Variants in ATP8A1 observed in about 807,000 individuals in gnomAD.
ATP8A1 encodes ATPase phospholipid transporting 8A1.
A neutral mutation model predicts 177.7 loss-of-function variants in ATP8A1; 90 were observed. The ratio of observed to expected loss-of-function variants is 0.51; its 90% CI spans 0.43 to 0.60. The LOEUF is 0.60. Ranked by LOEUF, ATP8A1 falls within the 20% of genes least tolerant of loss-of-function variation. The pLI is 0.00. For synonymous variants in ATP8A1, 493 were observed against 485.9 expected (o/e 1.01, Z -0.19); for missense variants, 1,072 against 1,392.8 (o/e 0.77, Z 3.67).
chr4:42,540,191 C>T (rs1414456049), intron 20 of ATP8A1, among the ~76,000 whole-genome samples: 1 of 152,078 alleles, frequency 6.6e-6, no homozygotes, highest in Admixed American at 6.6e-5. Context: ...AAATGCTCAA[C>T]ATCACTAGCA....
intron 20 of ATP8A1, 88 bp downstream of exon 20, chr4:42,543,829 A>T: frequency 1.1e-6 from 1 of 927,628 alleles, no homozygotes; most frequent in Non-Finnish European, 1.6e-6. Context: ...CATGTTAAAC[A>T]TCTGTGTTAC....
At chr4:42,544,052 G>A in intron 19 of ATP8A1, 66 bp from the exon 20 acceptor site, 13 of 1,274,472 alleles carry the variant, frequency 1.0e-5, no homozygotes, top group Non-Finnish European at 1.5e-5. Context: ...TGTTTGTCAT[G>A]CCTCACATAT....
At chr4:42,524,093 G>A (rs556926561) in intron 21 of ATP8A1, among the ~76,000 whole-genome samples, 2 of 152,250 alleles carry the variant, frequency 1.3e-5, no homozygotes, top group Admixed American at 1.3e-4. Context: ...TGTAGTAACT[G>A]ACTCTCATGT....
intron 20 of ATP8A1, among the ~76,000 whole-genome samples, chr4:42,525,178 T>C (rs1578104897): frequency 6.6e-6 from 1 of 152,180 alleles, no homozygotes; most frequent in African/African-American, 2.4e-5. Flanking sequence ...TAGGTATTCA[T>C]AGGTGCTGCA....
At chr4:42,607,635 T>C (rs1330118555) in intron 5 of ATP8A1, among the ~76,000 whole-genome samples, 2 of 148,146 alleles carry the variant, frequency 1.4e-5, no homozygotes, top group African/African-American at 4.9e-5. Flanking sequence ...TCTACAGGTT[T>C]TTTTTTTTTT....
chr4:42,448,508 C>T (rs574022615), intron 30 of ATP8A1, among the ~76,000 whole-genome samples: 3 of 148,626 alleles, frequency 2.0e-5, no homozygotes, highest in Non-Finnish European at 4.5e-5. Context: ...AGCAATTCTC[C>T]TGCTTCAGCC....
intron 1 of ATP8A1, among the ~76,000 whole-genome samples, chr4:42,643,526 A>G (rs1227813033): frequency 1.3e-5 from 2 of 152,126 alleles, no homozygotes; most frequent in Admixed American, 6.5e-5. Flanking sequence ...AGCCATCAAC[A>G]AATCTGTTGG....
intron 33 of ATP8A1, among the ~76,000 whole-genome samples, chr4:42,430,240 C>T (rs1430899774): frequency 1.3e-5 from 2 of 152,130 alleles, no homozygotes; most frequent in Admixed American, 6.5e-5. Flanking sequence ...TTTGCCTAGG[C>T]CCCCATCATC....
chr4:42,650,100 C>A (rs1740937325), intron 1 of ATP8A1, among the ~76,000 whole-genome samples: 1 of 152,174 alleles, frequency 6.6e-6, no homozygotes, highest in African/African-American at 2.4e-5. Flanking sequence ...TCAAAAGTGT[C>A]CTCTGACCTT....
chr4:42,569,429 C>A (rs1159200881), intron 14 of ATP8A1, among the ~76,000 whole-genome samples: 1 of 152,132 alleles, frequency 6.6e-6, no homozygotes, highest in African/African-American at 2.4e-5. Context: ...ACTGTATAGC[C>A]AATTTGCCTC....
At chr4:42,568,093 T>C (rs918797206) in intron 15 of ATP8A1, among the ~76,000 whole-genome samples, 1 of 152,210 alleles carries the variant, frequency 6.6e-6, no homozygotes, top group African/African-American at 2.4e-5. Flanking sequence ...TAAGATGCTT[T>C]GGTACATTTA....
chr4:42,444,648 G>A lies in ATP8A1; in HGVS notation c.2959-14C>T, dbSNP rs1344564360. On this transcript the variant is annotated splice_polypyrimidine_tract_variant and intron_variant, in intron 31 of 36. Transcript: ENST00000381668. ...TATCACCACAAACTAAAACAGAAGG[G>A]GAAAATGTTATTTTACCTCATAAAC... 6.2e-7 allele frequency: 1 copy of A among 1,612,428 alleles called. No individual in the cohort carries two copies. Among genetic ancestry groups the A allele is most frequent in the Non-Finnish European group, 8.5e-7 (1 of 1,178,928 alleles).
chr4:42,570,164 G>C (rs1157661089), intron 14 of ATP8A1, among the ~76,000 whole-genome samples: 1 of 152,124 alleles, frequency 6.6e-6, no homozygotes, highest in Non-Finnish European at 1.5e-5. Flanking sequence ...TCATTCCAAG[G>C]CACCTCTTCC....
At chr4:42,433,618 T>G (rs1715560096) in intron 33 of ATP8A1, among the ~76,000 whole-genome samples, 1 of 151,864 alleles carries the variant, frequency 6.6e-6, no homozygotes, top group Non-Finnish European at 1.5e-5. Flanking sequence ...AGAAAACTCT[T>G]GGCTTGGGTT....
intron 6 of ATP8A1, among the ~76,000 whole-genome samples, chr4:42,591,225 T>C (rs1235134387): frequency 6.6e-6 from 1 of 152,050 alleles, no homozygotes; most frequent in Non-Finnish European, 1.5e-5. Context: ...CTTTCTCAAA[T>C]TTCTCAACCT....
chr4:42,600,460 A>C lies in ATP8A1; in HGVS notation c.450+18T>G. The stretch of plus-strand genomic sequence containing the variant: ...TATGTATTTCTTCTCCTGGAACAAA[A>C]TAAAAATCAGTGCATACCTTTTCCC... On this transcript the variant is annotated intron_variant, in intron 6 of 36. Transcript: ENST00000381668. 1 of 1,599,668 alleles carries C rather than the reference A, an allele frequency of 6.3e-7. No homozygotes were observed. Among genetic ancestry groups the C allele is most frequent in the Non-Finnish European group, 8.5e-7 (1 of 1,174,300 alleles).
At position 42,464,807 on chromosome 4, in the gene ATP8A1, C is replaced by G; in HGVS notation, c.2509-7G>C. 1 of 1,612,052 alleles carries G rather than the reference C, an allele frequency of 6.2e-7. No individual in the cohort carries two copies. Among genetic ancestry groups the G allele is most frequent in the Non-Finnish European group, 8.5e-7 (1 of 1,178,762 alleles). On this transcript the variant is annotated splice_region_variant and splice_polypyrimidine_tract_variant and intron_variant, in intron 26 of 36. Transcript: ENST00000381668. ...AATTCTTCAAATATTTGAACTAAAA[C>G]AAGAGTGGGAAAAAATTAGTATTTT...
chr4:42,513,355 T>G (rs1024928931), intron 22 of ATP8A1, among the ~76,000 whole-genome samples: 3 of 152,152 alleles, frequency 2.0e-5, no homozygotes, highest in African/African-American at 7.2e-5. Context: ...TTATACACAT[T>G]GTATGTTACA....
chr4:42,462,930 G>A (rs1440258708), intron 27 of ATP8A1, among the ~76,000 whole-genome samples: 2 of 152,172 alleles, frequency 1.3e-5, no homozygotes, highest in African/African-American at 2.4e-5. Context: ...GCTGGATTTC[G>A]GACTTGCCTG....
Sources: allele counts gnomAD v4.1 joint callset (sites outside exome capture counted in the v4.1 genomes callset), GRCh38; gene constraint gnomAD v4.1.1; transcripts MANE v1.5; gene names NCBI Gene and HGNC (gene_info 2026-07-23, HGNC 2026-07-21).